The following NBPF26 variants were observed in gnomAD, a reference collection of about 807,000 sequenced individuals.
The protein encoded by NBPF26 is NBPF member 26.
A neutral mutation model predicts 119.6 loss-of-function variants in NBPF26; 79 were observed. The observed-to-expected ratio is 0.66, with a 90% CI of 0.55 to 0.80. NBPF26 has a LOEUF of 0.80. NBPF26 is among the 30% of genes least tolerant of loss of function. NBPF26 has a pLI of 0.00. For missense variants in NBPF26, 800 were observed against 1,198.2 expected, an observed-to-expected ratio of 0.67 and a Z score of 4.91; for synonymous variants, 299 against 457.7, an observed-to-expected ratio of 0.65 and a Z score of 4.43.
At position 120,724,245 on chromosome 1, in the gene NBPF26, C is replaced by T; in HGVS notation, c.68C>T (p.Ala23Val). 20 of 1,401,592 alleles carry T rather than the reference C, an allele frequency of 1.4e-5. 3 individuals carry two copies. The highest frequency in any genetic ancestry group is 1.9e-5 in the Non-Finnish European group (20 of 1,068,238). 86.8% of individuals were successfully genotyped at this position (1,401,592 alleles called of 1,614,324 possible). A position where few individuals can be genotyped will look rare whatever the true frequency, so the allele number is the denominator to read the frequency against. Residue 23 changes from alanine (A) to valine (V), a missense_variant, in exon 1 of 30, where the codon GCG (alanine) becomes GTG (valine). By Grantham distance (64) the Ala-to-Val change is moderately conservative. Around this residue, in one of 13 missense-constraint regions of NBPF26, gnomAD observed 209 missense variants for 285.2 expected, o/e 0.73. Coordinates refer to ENST00000620612, the Ensembl canonical transcript of NBPF26. Reference sequence around the variant, plus strand: ...CTCTGGCTGTGCTGGGCGGCCCCCGCGCATGGTGAGTATCGGGCTGAGGGG... The same window carrying T: ...CTCTGGCTGTGCTGGGCGGCCCCCGTGCATGGTGAGTATCGGGCTGAGGGG...
chr1:120,759,743 G>A lies in NBPF26; in HGVS notation c.74-3885G>A, dbSNP rs1428400229. On this transcript the variant is annotated intron_variant, in intron 1 of 29. Coordinates refer to ENST00000620612, the Ensembl canonical transcript of NBPF26. ...CAATTTATAGTTGTATACATTTATA[G>A]GGTACAAAGTGATGTTATAATTTGC... Among the ~76,000 whole-genome samples, 8 of 113,342 alleles carry A rather than the reference G, an allele frequency of 7.1e-5. 1 individual carries two copies. The highest frequency in any genetic ancestry group is 3.4e-4 in the Admixed American group (4 of 11,746). 74.4% of individuals were successfully genotyped at this position (113,342 alleles called of 152,430 possible).
At chr1:120,728,906 T>G (rs1337547008) in intron 1 of NBPF26, among the ~76,000 whole-genome samples, 4 of 109,086 alleles carry the variant, frequency 3.7e-5, no homozygotes, top group Non-Finnish European at 6.8e-5. Context: ...GAGAATCACA[T>G]GGTGTTGAGT....
chr1:120,804,608 C>A (rs1651632561), intron 4 of NBPF26, among the ~76,000 whole-genome samples: 2 of 117,846 alleles, frequency 1.7e-5, no homozygotes, highest in South Asian at 2.5e-4. Flanking sequence ...TCACTTGATA[C>A]CTTGAAAAGA....
At chr1:120,804,543 TC>T (rs1651630622) in intron 4 of NBPF26, among the ~76,000 whole-genome samples, 1 of 105,348 alleles carries the variant, frequency 9.5e-6, no homozygotes, top group Non-Finnish European at 1.8e-5. Context: ...TTACAAAACT[TC>T]CCAAGATAGA....
chr1:120,810,204 C>T, intron 8 of NBPF26, 143 bp from the exon 9 acceptor site: 1 of 1,050,916 alleles, frequency 9.5e-7, no homozygotes, highest in Non-Finnish European at 1.4e-6. Flanking sequence ...AAGCGGATTG[C>T]CTGTTTCCTC....
intron 15 of NBPF26, among the ~76,000 whole-genome samples, chr1:120,818,766 G>T (rs1454188940): frequency 1.7e-5 from 2 of 120,368 alleles, no homozygotes; most frequent in Admixed American, 1.6e-4. Flanking sequence ...GGAGCAGGTT[G>T]TTCAGTTTCC....
rs1174849462 is a variant in NBPF26 at position 120,747,131 on chromosome 1, A to C, written c.74-16497A>C. Among the ~76,000 whole-genome samples the C allele has an allele frequency of 6.6e-5, 2 of 30,086 alleles. 1 individual carries two copies. The highest frequency in any genetic ancestry group is 1.2e-4 in the Non-Finnish European group (2 of 16,976). 19.7% of individuals were successfully genotyped at this position (30,086 alleles called of 152,430 possible). ...ATGTTCAGGGCCATGAAGCAACTAA[A>C]GATGGGATGAAAAACTTAACTTGTG... On this transcript the variant is annotated intron_variant, in intron 1 of 29. Transcript: ENST00000620612.
At position 120,804,659 on chromosome 1, in the gene NBPF26, T is replaced by A. The variant is rs1454312486; in HGVS notation, c.752-897T>A. Among the ~76,000 whole-genome samples the A allele has an allele frequency of 4.4e-4, 53 of 120,058 alleles. 8 individuals carry two copies. The South Asian group carries it at 0.011, about 25-fold the overall frequency. The allele number at this position is 120,058 out of a possible 152,430, so 78.8% of individuals were successfully genotyped here. A position where few individuals can be genotyped will look rare whatever the true frequency, so the allele number is the denominator to read the frequency against. Reference sequence around the variant, plus strand: ...GAATGACATCTATAAGTGACAAGTTTAAAATGTAGTGCTCAGTGACATTAA... The same window carrying A: ...GAATGACATCTATAAGTGACAAGTTAAAAATGTAGTGCTCAGTGACATTAA... On this transcript the variant is annotated intron_variant, in intron 4 of 29. Transcript: ENST00000620612.
chr1:120,806,464 G>A (rs1651687180), intron 5 of NBPF26, among the ~76,000 whole-genome samples: 1 of 117,066 alleles, frequency 8.5e-6, no homozygotes, highest in Admixed American at 8.3e-5. Context: ...ATCGTGGCGG[G>A]CAACTGTAAT....
chr1:120,736,310 AGTT>A (rs1238699765), intron 1 of NBPF26, among the ~76,000 whole-genome samples: 1 of 32,630 alleles, frequency 3.1e-5, no homozygotes, highest in Non-Finnish European at 5.5e-5. Context: ...TATATTTTGG[AGTT>A]GTTATGAAGA....
intron 2 of NBPF26, among the ~76,000 whole-genome samples, chr1:120,783,473 A>G (rs1183191684): frequency 5.2e-5 from 2 of 38,148 alleles, no homozygotes; most frequent in East Asian, 1.2e-3. Flanking sequence ...CAACTTAAAG[A>G]GATGAAGTTA....
At chr1:120,729,419 ATCT>A (rs1202063299) in intron 1 of NBPF26, among the ~76,000 whole-genome samples, 4 of 107,746 alleles carry the variant, frequency 3.7e-5, no homozygotes, top group South Asian at 2.7e-4. Context: ...TCTTAGAAAG[ATCT>A]TCTTATATTC....
In NBPF26 at chr1:120,784,796, C is replaced by T. The variant is rs1268064916; in HGVS notation, c.156-178C>T. On this transcript the variant is annotated intron_variant, in intron 2 of 29. Transcript: ENST00000620612. ...CAGGACTCAAAAGGACATGGGAGTA[C>T]GTGGTTAAGTTCTCTAAGGACTCTT... Among the ~76,000 whole-genome samples, 15 of 118,646 alleles carry T rather than the reference C, an allele frequency of 1.3e-4. 5 individuals are homozygous for T. Among genetic ancestry groups the T allele is most frequent in the South Asian group, 7.2e-4 (3 of 4,138 alleles). The allele number at this position is 118,646 out of a possible 152,430, so 77.8% of individuals were successfully genotyped here.
In NBPF26 at chr1:120,840,374, G is replaced by A. The variant is rs1652487268; in HGVS notation, c.4128G>A (p.Val1376=). The change falls in exon 30 of 30, where the codon GTG becomes GTA. Residue 1376 remains valine (V), a synonymous_variant. Transcript: ENST00000620612. ...GGCTCAACAGCATGCTGATGGAAGT[G>A]GAAGAGCCTGAAGTCTTGCAGGACT... 4.1e-6 allele frequency: 6 copies of A among 1,460,148 alleles called. 1 individual carries two copies. Among genetic ancestry groups the A allele is most frequent in the East Asian group, 4.5e-5 (2 of 44,206 alleles). 90.4% of individuals were successfully genotyped at this position (1,460,148 alleles called of 1,614,324 possible). A position where few individuals can be genotyped will look rare whatever the true frequency, so the allele number is the denominator to read the frequency against.
chr1:120,792,603 G>A (rs1651504113), intron 3 of NBPF26, among the ~76,000 whole-genome samples: 1 of 109,224 alleles, frequency 9.2e-6, no homozygotes, highest in Non-Finnish European at 1.8e-5. Flanking sequence ...CTGGGTTCAA[G>A]TGATTCTTCT....
At chr1:120,730,623 G>A (rs1179760376) in intron 1 of NBPF26, among the ~76,000 whole-genome samples, 6 of 115,112 alleles carry the variant, frequency 5.2e-5, no homozygotes, top group Admixed American at 8.3e-5. Flanking sequence ...TATTATCTGT[G>A]TGGCAGAACA....
At chr1:120,811,416 G>A (rs1253696681) in intron 9 of NBPF26, among the ~76,000 whole-genome samples, 2 of 106,924 alleles carry the variant, frequency 1.9e-5, no homozygotes, top group Admixed American at 1.7e-4. Context: ...ATGTTACTTG[G>A]CGCTTGTAAT....
Position 120,724,032 on chromosome 1 carries a change from G to C in NBPF26, c.-146G>C, listed in dbSNP as rs1383484062. ...GTCGAGGCATTTGCACCTGGGCTTC[G>C]GAGCGTAGCGCCAGGGCCTGAGCCT... is the stretch of plus-strand genomic sequence containing the variant. On this transcript the variant is annotated 5_prime_UTR_variant, in exon 1 of 30. Coordinates refer to ENST00000620612, the Ensembl canonical transcript of NBPF26. 3,580 of 1,248,466 alleles carry C rather than the reference G, an allele frequency of 2.9e-3. 743 individuals are homozygous for C. The South Asian group carries it at 0.046, about 16-fold the overall frequency. 77.3% of individuals were successfully genotyped at this position (1,248,466 alleles called of 1,614,324 possible).
rs1421927341 is a variant in NBPF26 at position 120,821,963 on chromosome 1, G to C, written c.2424-141G>C. The C allele has an allele frequency of 2.0e-4, 217 of 1,073,790 alleles. 35 individuals are homozygous for C. Among genetic ancestry groups the C allele is most frequent in the Non-Finnish European group, 2.6e-4 (202 of 765,506 alleles). 66.5% of individuals were successfully genotyped at this position (1,073,790 alleles called of 1,614,324 possible). On this transcript the variant is annotated intron_variant, in intron 15 of 29. Coordinates refer to ENST00000620612, the Ensembl canonical transcript of NBPF26. ...CCTCCACCCTGTATTTAGAAGGATA[G>C]TTTTATTCCTCTTGAAGGAAAAATG... is the stretch of plus-strand genomic sequence containing the variant.
Sources: allele counts gnomAD v4.1 joint callset (sites outside exome capture counted in the v4.1 genomes callset), GRCh38; gene constraint gnomAD v4.1.1; regional missense constraint gnomAD v4.1.1; transcripts MANE v1.5; gene names NCBI Gene and HGNC (gene_info 2026-07-23, HGNC 2026-07-21).